The following SERPINI2 variants were observed in gnomAD, a reference collection of about 807,000 sequenced individuals.
The protein encoded by SERPINI2 is serpin family I member 2.
In SERPINI2, 48 loss-of-function variants were observed where a neutral mutation model predicts 47.3. The observed-to-expected ratio is 1.02, with a 90% CI of 0.81 to 1.29. The LOEUF is 1.29. Ranked by LOEUF, SERPINI2 falls within the 50% of genes most tolerant of loss-of-function variation. The pLI is 0.00. For synonymous variants in SERPINI2, 135 were observed against 149.3 expected, an observed-to-expected ratio of 0.90 and a Z score of 0.70; for missense variants, 448 against 456.9, an observed-to-expected ratio of 0.98 and a Z score of 0.18.
chr3:167,455,597 A>G (rs2108159270), intron 5 of SERPINI2, among the ~76,000 whole-genome samples: 1 of 151,496 alleles, frequency 6.6e-6, no homozygotes, highest in South Asian at 2.1e-4. Context: ...GAGTCTCAAA[A>G]AAAAAAAAAG....
chr3:167,470,550 CT>C (rs536884425), intron 2 of SERPINI2, among the ~76,000 whole-genome samples: 54 of 93,030 alleles, frequency 5.8e-4, no homozygotes, highest in Non-Finnish European at 4.9e-4. Context: ...TGAGCAACAA[CT>C]TTTTTTTTTT....
intron 5 of SERPINI2, among the ~76,000 whole-genome samples, chr3:167,462,234 G>T (rs578075792): frequency 6.6e-6 from 1 of 151,616 alleles, no homozygotes; most frequent in South Asian, 2.1e-4. Flanking sequence ...AGTAAAATTT[G>T]CTTAAACATT....
intron 5 of SERPINI2, among the ~76,000 whole-genome samples, chr3:167,457,850 G>C (rs1168617776): frequency 6.6e-6 from 1 of 152,208 alleles, no homozygotes; most frequent in Non-Finnish European, 1.5e-5. Flanking sequence ...GGAGAGATCA[G>C]AAAGGCTTTC....
chr3:167,447,058 T>G (rs1378625380), intron 7 of SERPINI2: 6 of 152,162 alleles, frequency 3.9e-5, no homozygotes, highest in African/African-American at 7.2e-5. Context: ...TATATTATGT[T>G]GCTCCATTAC....
intron 2 of SERPINI2, chr3:167,469,384 G>T (rs114739770): frequency 6.6e-6 from 1 of 152,098 alleles, no homozygotes; most frequent in South Asian, 2.1e-4. Flanking sequence ...GAAAACAAAC[G>T]TAGTCGTAGA....
exon 2 of SERPINI2, chr3:167,471,704 T>C: frequency 6.2e-7 from 1 of 1,613,638 alleles, no homozygotes; most frequent in Non-Finnish European, 8.5e-7. Flanking sequence ...AAATATAATG[T>C]TGTCCTTATG....
chr3:167,470,618 G>A (rs1196900587), intron 2 of SERPINI2, among the ~76,000 whole-genome samples: 1 of 138,210 alleles, frequency 7.2e-6, no homozygotes, highest in African/African-American at 2.8e-5. Flanking sequence ...CTGGAGTGCA[G>A]TGGCACGATC....
At chr3:167,472,410 C>T (rs1750357094) in intron 1 of SERPINI2, among the ~76,000 whole-genome samples, 1 of 151,936 alleles carries the variant, frequency 6.6e-6, no homozygotes, top group African/African-American at 2.4e-5. Flanking sequence ...AGCCCTCTTC[C>T]TGCTTTTCCA....
At position 167,453,067 on chromosome 3, in the gene SERPINI2, T is replaced by G. The variant is rs767908723; in HGVS notation, c.867-34A>C. On this transcript the variant is annotated intron_variant, in intron 5 of 8. Transcript: ENST00000264677. Reference sequence around the variant, plus strand: ...AAAAAAAAAAGAAAAAGAAAAGTCTTGAAACACTGCACATTTTTGCTACCA... The same window carrying G: ...AAAAAAAAAAGAAAAAGAAAAGTCTGGAAACACTGCACATTTTTGCTACCA... The G allele has an allele frequency of 1.6e-5, 20 of 1,223,998 alleles. No homozygotes were observed. In the South Asian group the frequency reaches 2.6e-4, roughly 16 times the overall value. The allele number at this position is 1,223,998 out of a possible 1,614,324, so 75.8% of individuals were successfully genotyped here.
At chr3:167,474,017 T>G (rs1750419387) in exon 1 of SERPINI2, 1 of 1,109,774 alleles carries the variant, frequency 9.0e-7, no homozygotes, top group East Asian at 4.8e-5. Flanking sequence ...AACTGACTTC[T>G]GATTATTCAC....
intron 5 of SERPINI2, among the ~76,000 whole-genome samples, chr3:167,457,918 T>C: frequency 6.6e-6 from 1 of 152,148 alleles, no homozygotes; most frequent in Non-Finnish European, 1.5e-5. Flanking sequence ...ATAGGAACCG[T>C]TGGCAGGGGT....
chr3:167,444,297 A>G (rs1749408396), intron 8 of SERPINI2, among the ~76,000 whole-genome samples: 1 of 152,166 alleles, frequency 6.6e-6, no homozygotes, highest in Non-Finnish European at 1.5e-5. Flanking sequence ...AATTTAGCTT[A>G]GTAAGGGCTT....
intron 5 of SERPINI2, among the ~76,000 whole-genome samples, chr3:167,464,316 G>A (rs917851626): frequency 6.6e-6 from 1 of 152,106 alleles, no homozygotes; most frequent in African/African-American, 2.4e-5. Flanking sequence ...GCCTGGCCAG[G>A]AGTGGCTTGT....
chr3:167,459,317 G>T (rs1008224026), intron 5 of SERPINI2, among the ~76,000 whole-genome samples: 1 of 151,672 alleles, frequency 6.6e-6, no homozygotes, highest in Non-Finnish European at 1.5e-5. Context: ...CTCGTGATCC[G>T]CCCGCCTCAG....
At chr3:167,454,831 G>C (rs1306818491) in intron 5 of SERPINI2, among the ~76,000 whole-genome samples, 2 of 152,166 alleles carry the variant, frequency 1.3e-5, no homozygotes, top group Admixed American at 6.5e-5. Context: ...ACTGCCATGT[G>C]TTAGGTACTT....
upstream of SERPINI2, among the ~76,000 whole-genome samples, chr3:167,476,168 AG>A (rs1333435842): frequency 2.6e-5 from 4 of 151,970 alleles, no homozygotes; most frequent in East Asian, 7.7e-4. Flanking sequence ...CTTTTACCAC[AG>A]AAAAATGGAT....
intron 7 of SERPINI2, chr3:167,446,682 C>T (rs1229870843): frequency 2.8e-6 from 1 of 358,056 alleles, no homozygotes; most frequent in Non-Finnish European, 5.0e-6. Flanking sequence ...TTAGGTCACT[C>T]ACAGAATAAT....
At chr3:167,464,521 G>A (rs1440392779) in intron 5 of SERPINI2, among the ~76,000 whole-genome samples, 1 of 152,100 alleles carries the variant, frequency 6.6e-6, no homozygotes, top group Non-Finnish European at 1.5e-5. Flanking sequence ...AACAGTTGGG[G>A]CTTGATGAGT....
At chr3:167,448,230 AC>A (rs1749533651) in intron 7 of SERPINI2, among the ~76,000 whole-genome samples, 1 of 152,252 alleles carries the variant, frequency 6.6e-6, no homozygotes, top group Non-Finnish European at 1.5e-5. Flanking sequence ...ACTAGAATGT[AC>A]ATACAAATTT....
Sources: allele counts gnomAD v4.1 joint callset (sites outside exome capture counted in the v4.1 genomes callset), GRCh38; gene constraint gnomAD v4.1.1; transcripts MANE v1.5; gene names NCBI Gene and HGNC (gene_info 2026-07-23, HGNC 2026-07-21).